Variants in SPIRE1 observed in about 807,000 individuals in gnomAD.
SPIRE1 encodes the protein spire type actin nucleation factor 1.
In SPIRE1, 40 loss-of-function variants were observed where a neutral mutation model predicts 94.1. That is an observed-to-expected ratio of 0.43 (90% CI 0.33 to 0.55). The LOEUF is 0.55. SPIRE1 is among the 20% of genes least tolerant of loss of function. SPIRE1 has a pLI of 0.06. For synonymous variants in SPIRE1, 376 were observed against 371.7 expected, an observed-to-expected ratio of 1.01 and a Z score of -0.13; for missense variants, 838 against 975.2, an observed-to-expected ratio of 0.86 and a Z score of 1.87.
At position 12,637,028 on chromosome 18, in the gene SPIRE1, C is replaced by A. The variant is rs184240066; in HGVS notation, c.338-1932G>T. Among the ~76,000 whole-genome samples the A allele has an allele frequency of 6.6e-5, 10 of 152,266 alleles. 1 individual carries two copies. The East Asian group carries it at 1.9e-3, about 29-fold the overall frequency. The stretch of plus-strand genomic sequence containing the variant: ...AGAGAGAGAGGGAGGAAGAGAGGAG[C>A]ACTCAGGCAAACTGTAACAGAGAGT... On this transcript the variant is annotated intron_variant, in intron 1 of 16. Transcript: ENST00000409402.
chr18:12,575,415 G>C (rs1450456431), intron 2 of SPIRE1, among the ~76,000 whole-genome samples: 1 of 152,050 alleles, frequency 6.6e-6, no homozygotes, highest in African/African-American at 2.4e-5. Context: ...GCCCAGGGTG[G>C]GGTGCAGTAG....
rs1316137401 is a variant in SPIRE1, at chr18:12,449,696, A to G, written c.2213T>C (p.Met738Thr). The change falls in exon 17 of 17, where the codon ATG becomes ACG. Residue 738 changes from methionine (M) to threonine (T), a missense_variant. Coordinates refer to ENST00000409402, the MANE Select transcript of SPIRE1 (RefSeq NM_001128626.2). ...GTACTCCGAGGGGCCTGGCGAGGAC[A>G]TGTAGAAAGACTGCGTTTTCCTTTT... The part of the protein sequence containing the change: ...RLKRKTQSFY[M>T]SSPGPSEYCP... 6.2e-7 allele frequency: 1 copy of G among 1,614,196 alleles called. No homozygotes were observed. Among genetic ancestry groups the G allele is most frequent in the East Asian group, 2.2e-5 (1 of 44,872 alleles).
At chr18:12,553,769 C>A (rs2035422738) in intron 2 of SPIRE1, among the ~76,000 whole-genome samples, 1 of 152,066 alleles carries the variant, frequency 6.6e-6, no homozygotes, top group Non-Finnish European at 1.5e-5. Context: ...CCTAAAAATG[C>A]ATCCTAAAGA....
At chr18:12,621,289 A>T (rs2037461559) in intron 2 of SPIRE1, among the ~76,000 whole-genome samples, 2 of 152,196 alleles carry the variant, frequency 1.3e-5, no homozygotes. Context: ...CAAAAGATAG[A>T]GTTACTTTGA....
chr18:12,627,073 A>G (rs542055853), intron 2 of SPIRE1, among the ~76,000 whole-genome samples: 3 of 151,998 alleles, frequency 2.0e-5, no homozygotes, highest in African/African-American at 4.8e-5. Flanking sequence ...TTCTAATTGT[A>G]AAATTTTTTT....
chr18:12,513,681 G>A (rs997785816), intron 4 of SPIRE1, among the ~76,000 whole-genome samples: 26 of 151,820 alleles, frequency 1.7e-4, no homozygotes, highest in Non-Finnish European at 2.4e-4. Context: ...GCGCCACCAC[G>A]CCTGGCTAAT....
chr18:12,524,151 T>G (rs557734464), intron 4 of SPIRE1, among the ~76,000 whole-genome samples: 1 of 152,248 alleles, frequency 6.6e-6, no homozygotes, highest in East Asian at 1.9e-4. Context: ...TCTATATGTA[T>G]TGGATTATAT....
At chr18:12,588,529 C>T (rs996189859) in intron 2 of SPIRE1, 1 of 151,572 alleles carries the variant, frequency 6.6e-6, no homozygotes, top group African/African-American at 2.4e-5. Context: ...GGTTCTGCCA[C>T]CAAAGGTTAT....
At chr18:12,546,612 A>T in intron 3 of SPIRE1, 62 bp downstream of exon 3, 3 of 1,330,556 alleles carry the variant, frequency 2.3e-6, no homozygotes, top group African/African-American at 2.9e-5. Flanking sequence ...AGGGGGGGAA[A>T]AAAAAGAAGA....
chr18:12,478,996 A>G (rs2032733596), intron 10 of SPIRE1, among the ~76,000 whole-genome samples: 1 of 152,030 alleles, frequency 6.6e-6, no homozygotes, highest in African/African-American at 2.4e-5. Flanking sequence ...GTGTGTGTGT[A>G]TTTTAGAAGA....
chr18:12,498,758 C>A (rs944746443), intron 6 of SPIRE1, among the ~76,000 whole-genome samples: 6 of 152,146 alleles, frequency 3.9e-5, no homozygotes, highest in Non-Finnish European at 5.9e-5. Context: ...TCCTGAGTAG[C>A]TGGGACTACA....
At chr18:12,509,863 ACCAGG>A (rs755744060) in intron 5 of SPIRE1, among the ~76,000 whole-genome samples, 10 of 152,128 alleles carry the variant, frequency 6.6e-5, no homozygotes, top group Non-Finnish European at 1.0e-4. Context: ...CGGGCGGATC[ACCAGG>A]TAGGTCAGGA....
Position 12,559,202 on chromosome 18 carries a change from C to T in SPIRE1, c.373-12298G>A, listed in dbSNP as rs1411777776. 6.6e-6 allele frequency among the ~76,000 whole-genome samples: 1 copy of T among 151,720 alleles called. No homozygotes were observed. Among genetic ancestry groups the T allele is most frequent in the African/African-American group, 2.4e-5 (1 of 41,330 alleles). On this transcript the variant is annotated intron_variant, in intron 2 of 16. Coordinates refer to ENST00000409402, the MANE Select transcript of SPIRE1 (RefSeq NM_001128626.2). The surrounding 1 kb of genome is among the most constrained non-coding windows in gnomAD (Gnocchi z 4.7). ...GTGGGGTGGGGTGGGGGGGCGCCGG[C>T]ATGGCAGGCTGCAGGTCCCGAGCCC...
intron 8 of SPIRE1, 141 bp downstream of exon 8, chr18:12,492,931 A>C: frequency 1.1e-6 from 1 of 929,540 alleles, no homozygotes; most frequent in Non-Finnish European, 1.6e-6. Context: ...TGTATACGAG[A>C]GAGTGAGAGG....
At chr18:12,546,034 G>A (rs2035154551) in intron 3 of SPIRE1, among the ~76,000 whole-genome samples, 1 of 152,130 alleles carries the variant, frequency 6.6e-6, no homozygotes, top group African/African-American at 2.4e-5. Flanking sequence ...CTGTCACCCA[G>A]GCTGAAGTGC....
At chr18:12,563,369 G>A (rs1199912143) in intron 2 of SPIRE1, among the ~76,000 whole-genome samples, 1 of 151,564 alleles carries the variant, frequency 6.6e-6, no homozygotes, top group Non-Finnish European at 1.5e-5. Context: ...GGAGTGCATT[G>A]GCCCTTCATA....
At chr18:12,557,445 G>C (rs1264872679) in intron 2 of SPIRE1, among the ~76,000 whole-genome samples, 17 of 152,278 alleles carry the variant, frequency 1.1e-4, no homozygotes, top group Admixed American at 1.1e-3. Context: ...CAAATGTGGG[G>C]CCTGCCAAGC....
chr18:12,590,595 T>G (rs2036507269), intron 2 of SPIRE1, among the ~76,000 whole-genome samples: 1 of 151,554 alleles, frequency 6.6e-6, no homozygotes, highest in South Asian at 2.1e-4. Context: ...TATAAAAGTG[T>G]CCTGAGCCTC....
chr18:12,645,694 A>G (rs978810217), intron 1 of SPIRE1, among the ~76,000 whole-genome samples: 1 of 152,164 alleles, frequency 6.6e-6, no homozygotes, highest in African/African-American at 2.4e-5. Flanking sequence ...ACCCAATTCA[A>G]TACATCTACA....
Sources: gnomAD v4.1 joint callset for allele counts (sites outside exome capture counted in the v4.1 genomes callset) on GRCh38, gnomAD v4.1.1 for gene constraint, Gnocchi (gnomAD v3.1) non-coding constraint, MANE v1.5 for transcripts, NCBI Gene and HGNC (gene_info 2026-07-23, HGNC 2026-07-21) for gene names.